Variants in PTPRA observed in about 807,000 individuals in gnomAD.
The protein encoded by PTPRA is protein tyrosine phosphatase receptor type A.
Under a neutral mutation model 104.8 loss-of-function variants are expected in PTPRA, and 25 were observed. That is an observed-to-expected ratio of 0.24 (90% CI 0.17 to 0.33). The LOEUF (loss-of-function observed/expected upper bound fraction) is 0.33. PTPRA is among the 10% of genes least tolerant of loss of function. PTPRA has a pLI of 1.00. For missense variants in PTPRA, 765 were observed against 1,015.3 expected (o/e 0.75, Z 3.35); for synonymous variants, 323 against 368.9 (o/e 0.88, Z 1.43).
At chr20:2,883,197 A>G (rs1337705075) in intron 1 of PTPRA, among the ~76,000 whole-genome samples, 1 of 152,118 alleles carries the variant, frequency 6.6e-6, no homozygotes, top group Non-Finnish European at 1.5e-5. Context: ...AATCTGAAAA[A>G]TACCTAAATC....
the PTPRA span, chr20:2,866,841 G>T: frequency 2.3e-6 from 1 of 442,346 alleles, no homozygotes; most frequent in Non-Finnish European, 4.0e-6. Flanking sequence ...ACCGGAGGTG[G>T]GGGCTTCTCC....
In PTPRA at chr20:3,005,791, T is replaced by C. The variant is rs796728347; in HGVS notation, c.829+645T>C. The stretch of plus-strand genomic sequence containing the variant: ...TGGTGGTAGAGATGGTTTTTTGTGG[T>C]ATTCATTGAAAGAAATTCTAATGCA... On this transcript the variant is annotated intron_variant, in intron 10 of 23. Coordinates refer to ENST00000399903, the MANE Select transcript of PTPRA (RefSeq NM_001385305.1). 7.4e-4 allele frequency among the ~76,000 whole-genome samples: 113 copies of C among 152,182 alleles called. 1 individual carries two copies. Among genetic ancestry groups the C allele is most frequent in the African/African-American group, 2.5e-3 (104 of 41,522 alleles).
chr20:2,936,714 C>T (rs1448060043), intron 2 of PTPRA, among the ~76,000 whole-genome samples: 6 of 152,136 alleles, frequency 3.9e-5, no homozygotes, highest in African/African-American at 1.2e-4. Flanking sequence ...CTGAAGTGAT[C>T]CACCTACCTT....
intron 1 of PTPRA, among the ~76,000 whole-genome samples, chr20:2,884,176 T>G (rs527374169): frequency 5.0e-4 from 76 of 152,328 alleles, no homozygotes; most frequent in Non-Finnish European, 6.3e-4. Flanking sequence ...ACTTTTTGGC[T>G]TTATGAATAA....
At chr20:2,990,756 A>C (rs968840783) in intron 9 of PTPRA, among the ~76,000 whole-genome samples, 2 of 152,048 alleles carry the variant, frequency 1.3e-5, no homozygotes, top group African/African-American at 4.8e-5. Context: ...TTAGATATTC[A>C]TGTGGGATAT....
chr20:3,028,878 A>G (rs543104096), intron 20 of PTPRA, among the ~76,000 whole-genome samples: 3 of 152,292 alleles, frequency 2.0e-5, no homozygotes, highest in Non-Finnish European at 4.4e-5. Context: ...TGTGGCAGTA[A>G]TGCTGGTGGC....
chr20:2,936,465 G>C (rs988115703), intron 2 of PTPRA, among the ~76,000 whole-genome samples: 1 of 151,434 alleles, frequency 6.6e-6, no homozygotes, highest in South Asian at 2.1e-4. Flanking sequence ...GCCTGGCCTA[G>C]GTCTTTTTTT....
chr20:2,910,579 T>TTTC (rs1467902181), intron 1 of PTPRA, among the ~76,000 whole-genome samples: 1,678 of 83,482 alleles, frequency 0.02, 96 homozygotes, highest in South Asian at 0.038. Context: ...GCCCAGCTAG[T>TTTC]TTTTTTTTTG....
At chr20:3,029,540 C>CTTTTTTTTTTTTTTTTTGTTT (rs2065323546) in intron 20 of PTPRA, among the ~76,000 whole-genome samples, 1 of 78,084 alleles carries the variant, frequency 1.3e-5, no homozygotes, top group African/African-American at 5.5e-5. Context: ...TCTTCATCAT[C>CTTTTTTTTTTTTTTTTTGTTT]TTTTTTTTTT....
chr20:2,958,658 T>TAAAAAA (rs71195806), intron 3 of PTPRA, among the ~76,000 whole-genome samples: 6 of 62,278 alleles, frequency 9.6e-5, no homozygotes, highest in East Asian at 7.9e-4. Flanking sequence ...CCATCTCTAC[T>TAAAAAA]AAAAAAAAAA....
intron 1 of PTPRA, among the ~76,000 whole-genome samples, chr20:2,887,109 A>G (rs960006413): frequency 2.0e-5 from 3 of 152,298 alleles, no homozygotes; most frequent in Admixed American, 6.5e-5. Flanking sequence ...AAATTGCTCT[A>G]TAATATATTA....
At position 2,969,738 on chromosome 20, in the gene PTPRA, G is replaced by A. The variant is rs866141930; in HGVS notation, c.415+4536G>A. Among the ~76,000 whole-genome samples the A allele has an allele frequency of 9.8e-4, 138 of 141,106 alleles. 1 individual carries two copies. The highest frequency in any genetic ancestry group is 3.6e-3 in the Middle Eastern group (1 of 276). The allele number at this position is 141,106 out of a possible 152,430, so 92.6% of individuals were successfully genotyped here. A position where few individuals can be genotyped will look rare whatever the true frequency, so the allele number is the denominator to read the frequency against. ...TCCCAGCACTTTGGGAGGCTGAGGC[G>A]GGCAGATCACGAGGTCAGGAGATCA... On this transcript the variant is annotated intron_variant, in intron 5 of 23. Transcript: ENST00000399903.
chr20:3,005,834 C>T (rs1301930363), intron 10 of PTPRA, among the ~76,000 whole-genome samples: 1 of 151,942 alleles, frequency 6.6e-6, no homozygotes, highest in Non-Finnish European at 1.5e-5. Flanking sequence ...CTGTATAAAC[C>T]CTTCCCAGAG....
At chr20:2,874,377 A>G (rs996106501) in intron 1 of PTPRA, among the ~76,000 whole-genome samples, 9 of 150,898 alleles carry the variant, frequency 6.0e-5, no homozygotes, top group African/African-American at 2.2e-4. Context: ...GTTACTAATT[A>G]TATCTCCTGA....
intron 1 of PTPRA, among the ~76,000 whole-genome samples, chr20:2,892,147 A>G (rs1402140512): frequency 1.3e-5 from 2 of 151,936 alleles, no homozygotes. Context: ...AAAATTAGCC[A>G]GGCATGGTGG....
At chr20:2,943,171 T>G (rs1488830687) in intron 2 of PTPRA, among the ~76,000 whole-genome samples, 1 of 150,684 alleles carries the variant, frequency 6.6e-6, no homozygotes, top group African/African-American at 2.4e-5. Flanking sequence ...GTACCATCTG[T>G]GGTTTCAGGC....
At chr20:2,906,487 A>G (rs1260719822) in intron 1 of PTPRA, among the ~76,000 whole-genome samples, 1 of 152,220 alleles carries the variant, frequency 6.6e-6, no homozygotes, top group East Asian at 1.9e-4. Flanking sequence ...GGTAATACGT[A>G]CGTTCTGATA....
chr20:2,924,519 G>A (rs1054996624), intron 2 of PTPRA, among the ~76,000 whole-genome samples: 1 of 152,128 alleles, frequency 6.6e-6, no homozygotes, highest in African/African-American at 2.4e-5. Context: ...TAGATAAAAG[G>A]TTGAGTGAAA....
intron 16 of PTPRA, among the ~76,000 whole-genome samples, chr20:3,023,486 A>G (rs953497128): frequency 4.6e-5 from 7 of 152,244 alleles, no homozygotes; most frequent in Admixed American, 2.6e-4. Context: ...AAACCGCCTT[A>G]TGGCTGGAGG....
Sources: allele counts gnomAD v4.1 joint callset (sites outside exome capture counted in the v4.1 genomes callset), GRCh38; gene constraint gnomAD v4.1.1; transcripts MANE v1.5; gene names NCBI Gene and HGNC (gene_info 2026-07-23, HGNC 2026-07-21).